Variants in MYO3B observed in about 807,000 individuals in gnomAD.
MYO3B encodes myosin IIIB, also known as myosin-IIIb.
Under a neutral mutation model 174.6 loss-of-function variants are expected in MYO3B, and 156 were observed. That is an observed-to-expected ratio of 0.89 (90% CI 0.78 to 1.02). MYO3B has a LOEUF of 1.02. Among genes scored for constraint, MYO3B ranks in the 50% least tolerant of loss-of-function variants. The pLI, the probability that MYO3B is intolerant of heterozygous loss-of-function variation, is 0.00. For missense variants in MYO3B, 1,632 were observed against 1,639.4 expected (o/e 1.00, Z 0.08); for synonymous variants, 563 against 569.1 (o/e 0.99, Z 0.15).
At chr2:170,447,940 T>C (rs1217749658) in intron 23 of MYO3B, among the ~76,000 whole-genome samples, 2 of 152,134 alleles carry the variant, frequency 1.3e-5, no homozygotes, top group African/African-American at 4.8e-5. Context: ...ATGAGTCAGT[T>C]TATTGATCTG....
At chr2:170,561,088 T>G (rs6756297) in intron 32 of MYO3B, among the ~76,000 whole-genome samples, 19,241 of 152,230 alleles carry the variant, frequency 0.13, 2,373 homozygotes, top group African/African-American at 0.32. Flanking sequence ...TGCTGCTTAT[T>G]CTTTGCCCTA....
In MYO3B at chr2:170,391,542, T is replaced by TATTTCAAAATTTCAAAA. The variant is rs1558953680; in HGVS notation, c.1600_1601insATTTCAAAATTTCAAAA (p.Phe534TyrfsTer34). 2.0e-6 allele frequency: 3 copies of TATTTCAAAATTTCAAAA among 1,530,588 alleles called. No homozygotes were observed. The highest frequency in any genetic ancestry group is 2.4e-5 in the East Asian group (1 of 42,096). The allele number at this position is 1,530,588 out of a possible 1,614,324, so 94.8% of individuals were successfully genotyped here. ...CAGGAGAGAGAAAAATTTTCATATATTTTACTATATTTATGCTGGTCTTCA... is the reference window on the plus strand; with the variant it reads ...CAGGAGAGAGAAAAATTTTCATATATATTTCAAAATTTCAAAATTTACTATATTTATGCTGGTCTTCA... On this transcript the variant is annotated frameshift_variant, in exon 15 of 35. Transcript: ENST00000408978. LOFTEE classifies it high-confidence loss of function.
At chr2:170,462,406 GCATA>G (rs1423836017) in intron 23 of MYO3B, among the ~76,000 whole-genome samples, 1 of 152,144 alleles carries the variant, frequency 6.6e-6, no homozygotes, top group African/African-American at 2.4e-5. Context: ...CTTCCATTTT[GCATA>G]CAGTCTCCCA....
chr2:170,642,524 G>C (rs1313226436), intron 32 of MYO3B, among the ~76,000 whole-genome samples: 10 of 152,140 alleles, frequency 6.6e-5, no homozygotes, highest in African/African-American at 2.2e-4. Flanking sequence ...GTGTGTATGT[G>C]TTTTACAAAA....
intron 32 of MYO3B, among the ~76,000 whole-genome samples, chr2:170,569,253 G>C (rs1692268057): frequency 6.6e-6 from 1 of 151,946 alleles, no homozygotes; most frequent in Non-Finnish European, 1.5e-5. Context: ...TCCAAAAGTT[G>C]ACTAAAGTCA....
chr2:170,205,258 C>A (rs2092702307), intron 3 of MYO3B, among the ~76,000 whole-genome samples: 1 of 152,118 alleles, frequency 6.6e-6, no homozygotes. Flanking sequence ...TATAAGTTGG[C>A]TACCTATATA....
At chr2:170,583,080 C>A (rs76010366) in intron 32 of MYO3B, among the ~76,000 whole-genome samples, 1 of 150,532 alleles carries the variant, frequency 6.6e-6, no homozygotes, top group East Asian at 2.1e-4. Flanking sequence ...CGCACACCCC[C>A]CACTGCAGCC....
At chr2:170,574,592 C>T (rs975326974) in intron 32 of MYO3B, among the ~76,000 whole-genome samples, 1 of 152,018 alleles carries the variant, frequency 6.6e-6, no homozygotes, top group Non-Finnish European at 1.5e-5. Flanking sequence ...GAATGTAACG[C>T]AAGGATGAAA....
At chr2:170,608,478 C>T (rs1013476949) in intron 32 of MYO3B, among the ~76,000 whole-genome samples, 2 of 152,092 alleles carry the variant, frequency 1.3e-5, no homozygotes, top group African/African-American at 4.8e-5. Context: ...AGAGAAGTTC[C>T]CATTAATGAT....
At chr2:170,251,482 A>G (rs1364461349) in intron 7 of MYO3B, among the ~76,000 whole-genome samples, 2 of 152,214 alleles carry the variant, frequency 1.3e-5, no homozygotes, top group South Asian at 2.1e-4. Flanking sequence ...TTATTTGGAA[A>G]TAGGGTCTTT....
intron 7 of MYO3B, among the ~76,000 whole-genome samples, chr2:170,332,756 G>A (rs999755790): frequency 7.2e-5 from 11 of 152,112 alleles, no homozygotes; most frequent in African/African-American, 2.7e-4. Flanking sequence ...TGGGTGAGTG[G>A]TGGTTTGCTG....
chr2:170,354,332 T>C (rs118127197), intron 8 of MYO3B, among the ~76,000 whole-genome samples: 3,234 of 152,280 alleles, frequency 0.021, 60 homozygotes, highest in South Asian at 0.085. Context: ...AGAGCAGAGA[T>C]GGGTGGGTAA....
At chr2:170,225,941 T>C (rs1256230123) in intron 6 of MYO3B, among the ~76,000 whole-genome samples, 2 of 152,198 alleles carry the variant, frequency 1.3e-5, no homozygotes, top group Non-Finnish European at 2.9e-5. Flanking sequence ...TTCTCATCTG[T>C]AAAAAAGAAG....
chr2:170,623,757 G>A (rs1047548278), intron 32 of MYO3B, among the ~76,000 whole-genome samples: 1 of 152,130 alleles, frequency 6.6e-6, no homozygotes, highest in Non-Finnish European at 1.5e-5. Flanking sequence ...TGTATAATGT[G>A]TAACAAAGGG....
chr2:170,319,419 G>C (rs2093799346), intron 7 of MYO3B, among the ~76,000 whole-genome samples: 1 of 152,126 alleles, frequency 6.6e-6, no homozygotes, highest in African/African-American at 2.4e-5. Flanking sequence ...TCAGATTTGA[G>C]ATGGTAAAAG....
chr2:170,245,297 A>G (rs1456119688), intron 7 of MYO3B, among the ~76,000 whole-genome samples: 1 of 152,204 alleles, frequency 6.6e-6, no homozygotes, highest in African/African-American at 2.4e-5. Context: ...ATAGGCTGAA[A>G]GAGCCGTGAG....
chr2:170,270,473 G>A (rs781176963), intron 7 of MYO3B, among the ~76,000 whole-genome samples: 35 of 152,180 alleles, frequency 2.3e-4, no homozygotes, highest in Non-Finnish European at 3.4e-4. Flanking sequence ...GACTCTGGAC[G>A]CAGCTGGCTT....
intron 7 of MYO3B, among the ~76,000 whole-genome samples, chr2:170,244,240 A>T (rs983912199): frequency 1.3e-5 from 2 of 152,044 alleles, no homozygotes; most frequent in Non-Finnish European, 2.9e-5. Context: ...GGTTCTAGAA[A>T]TTTTTTTGTC....
rs117054956 is a variant in MYO3B, at chr2:170,471,620, T to C, written c.3014+4909T>C. Among the ~76,000 whole-genome samples, 157 of 152,316 alleles carry C rather than the reference T, an allele frequency of 1.0e-3. 1 individual carries two copies. The East Asian group carries it at 0.013, about 13-fold the overall frequency. On this transcript the variant is annotated intron_variant, in intron 25 of 34. Transcript: ENST00000408978. Reference sequence around the variant, plus strand: ...AACATCATTCTTTTGTATGCGGATATCCAGCAGTTTCAACACCATTTTGTT... The same window carrying C: ...AACATCATTCTTTTGTATGCGGATACCCAGCAGTTTCAACACCATTTTGTT...
Sources: allele counts gnomAD v4.1 joint callset (sites outside exome capture counted in the v4.1 genomes callset), GRCh38; gene constraint gnomAD v4.1.1; transcripts MANE v1.5; gene names NCBI Gene and HGNC (gene_info 2026-07-23, HGNC 2026-07-21).